Variants in PEPD observed in about 807,000 individuals in gnomAD.
PEPD encodes the protein peptidase D.
A neutral mutation model predicts 60.7 loss-of-function variants in PEPD; 53 were observed. The observed-to-expected ratio is 0.87, with a 90% CI of 0.70 to 1.10. PEPD has a LOEUF of 1.10. PEPD is among the 50% of genes least tolerant of loss of function. PEPD has a pLI of 0.00. For synonymous variants in PEPD, 267 were observed against 284.1 expected (o/e 0.94, Z 0.60); for missense variants, 711 against 711.9 (o/e 1.00, Z 0.01).
At chr19:33,443,778 G>A (rs939335416) in intron 9 of PEPD, among the ~76,000 whole-genome samples, 9 of 152,168 alleles carry the variant, frequency 5.9e-5, no homozygotes, top group South Asian at 2.1e-4. Context: ...TGTACCATAC[G>A]CACATGCGCA....
chr19:33,389,644 A>G (rs1404858461), intron 13 of PEPD, among the ~76,000 whole-genome samples: 1 of 152,142 alleles, frequency 6.6e-6, no homozygotes, highest in Non-Finnish European at 1.5e-5. Flanking sequence ...TCACCCCTCC[A>G]TCCCCATGGG....
chr19:33,482,562 A>G (rs946599150), intron 6 of PEPD, among the ~76,000 whole-genome samples: 4 of 152,206 alleles, frequency 2.6e-5, no homozygotes, highest in African/African-American at 9.6e-5. Context: ...TGCTGTCTCC[A>G]ATTCTATTCA....
rs1460998322 is a variant in PEPD, at chr19:33,408,551, C to T, written c.818+3121G>A. ...GGAAAAGGCTGGCCTCCTCTTAGTA[C>T]CCCCCACCCTTCTGCAGTACAGCTG... On this transcript the variant is annotated intron_variant, in intron 11 of 14. Coordinates refer to ENST00000244137, the MANE Select transcript of PEPD (RefSeq NM_000285.4). Among the ~76,000 whole-genome samples, 4 of 152,138 alleles carry T rather than the reference C, an allele frequency of 2.6e-5. No individual in the cohort carries two copies. In the East Asian group the frequency reaches 7.7e-4, roughly 29 times the overall value.
intron 9 of PEPD, among the ~76,000 whole-genome samples, chr19:33,430,409 T>C (rs931631494): frequency 6.6e-6 from 1 of 151,808 alleles, no homozygotes; most frequent in Non-Finnish European, 1.5e-5. Flanking sequence ...TCTGGGTAAG[T>C]GGATTATGAT....
At position 33,519,096 on chromosome 19, in the gene PEPD, C is replaced by A. The variant is rs33839; in HGVS notation, c.17+2648G>T. 1.7e-3 allele frequency among the ~76,000 whole-genome samples: 257 copies of A among 152,202 alleles called. 7 individuals are homozygous for A. In the East Asian group the frequency reaches 0.041, roughly 24 times the overall value. ...TTATCAATCCTGTCTGTGGAAAGCT[C>A]AAAGCATTGCTTAAGGAGACAGCAG... On this transcript the variant is annotated intron_variant, in intron 1 of 14. Transcript: ENST00000244137.
chr19:33,504,587 A>T (rs1970765493), intron 3 of PEPD, among the ~76,000 whole-genome samples: 1 of 152,156 alleles, frequency 6.6e-6, no homozygotes, highest in Non-Finnish European at 1.5e-5. Flanking sequence ...AACATGGTAA[A>T]ACCCTATCTC....
chr19:33,509,819 T>C (rs33823), intron 3 of PEPD, among the ~76,000 whole-genome samples: 55,535 of 152,144 alleles, frequency 0.37, 10,379 homozygotes, highest in South Asian at 0.55. Context: ...CTGGCACCAC[T>C]GAGCAGGCAG....
At chr19:33,456,075 C>G (rs1307604516) in intron 9 of PEPD, among the ~76,000 whole-genome samples, 1 of 152,150 alleles carries the variant, frequency 6.6e-6, no homozygotes, top group Non-Finnish European at 1.5e-5. Context: ...TCTCCACATG[C>G]CCATTCCTCA....
intron 3 of PEPD, among the ~76,000 whole-genome samples, chr19:33,504,846 A>G (rs544468013): frequency 6.6e-6 from 1 of 152,236 alleles, no homozygotes; most frequent in African/African-American, 2.4e-5. Flanking sequence ...CTCCCCTCAA[A>G]TGCCAAGGAT....
chr19:33,481,872 T>A (rs1349199527), intron 6 of PEPD, among the ~76,000 whole-genome samples: 1 of 151,618 alleles, frequency 6.6e-6, no homozygotes, highest in African/African-American at 2.4e-5. Context: ...ATAAAAAAAA[T>A]TAGCCCAGCG....
At chr19:33,488,371 C>T (rs1359520273) in intron 6 of PEPD, among the ~76,000 whole-genome samples, 1 of 152,130 alleles carries the variant, frequency 6.6e-6, no homozygotes, top group Admixed American at 6.5e-5. Flanking sequence ...GAGGGTCCCC[C>T]TGCTGCAGAG....
chr19:33,391,426 G>C lies in PEPD; in HGVS notation c.1021C>G (p.Leu341Val), dbSNP rs1266004247. 2 of 1,568,574 alleles carry C rather than the reference G, an allele frequency of 1.3e-6. No homozygotes were observed. The highest frequency in any genetic ancestry group is 1.7e-6 in the Non-Finnish European group (2 of 1,156,712). Residue 341 changes from leucine (L) to valine (V), a missense_variant, in exon 13 of 15, where the codon CTG (leucine) becomes GTG (valine). By Grantham distance (32) the Leu-to-Val change is conservative (BLOSUM62 1). Coordinates refer to ENST00000244137, the MANE Select transcript of PEPD (RefSeq NM_000285.4). ...CCGCTCAGGATGCCCATGTGGGCCA[G>C]CTCCTCCAGGTGGATGCGGTCAGCC... is the stretch of plus-strand genomic sequence containing the variant. ...RLADRIHLEE[L>V]AHMGILSGSV...
At chr19:33,457,131 T>C (rs1053090114) in intron 9 of PEPD, among the ~76,000 whole-genome samples, 1 of 149,776 alleles carries the variant, frequency 6.7e-6, no homozygotes, top group Admixed American at 6.7e-5. Context: ...GGGACTCGGA[T>C]GAAAAGCAGA....
intron 13 of PEPD, chr19:33,389,197 G>A (rs886374436): frequency 1.3e-5 from 2 of 152,350 alleles, no homozygotes; most frequent in African/African-American, 4.8e-5. Flanking sequence ...CGGAGGGCAG[G>A]GACAGCCACG....
chr19:33,521,599 G>T, intron 1 of PEPD, 145 bp downstream of exon 1: 1 of 889,388 alleles, frequency 1.1e-6, no homozygotes, highest in Non-Finnish European at 1.8e-6. Flanking sequence ...CTCGCCGACC[G>T]GCGCTGGGAC....
intron 9 of PEPD, among the ~76,000 whole-genome samples, chr19:33,414,597 C>A (rs1968849077): frequency 7.1e-6 from 1 of 140,442 alleles, no homozygotes; most frequent in Non-Finnish European, 1.6e-5. Flanking sequence ...CACCCGCCCA[C>A]CCCCGACCAG....
At chr19:33,390,111 A>G (rs1968179043) in intron 13 of PEPD, among the ~76,000 whole-genome samples, 1 of 152,260 alleles carries the variant, frequency 6.6e-6, no homozygotes, top group Non-Finnish European at 1.5e-5. Context: ...GGCCTGAAAT[A>G]AAACAAATGA....
intron 9 of PEPD, among the ~76,000 whole-genome samples, chr19:33,418,817 G>A (rs1968946948): frequency 6.6e-6 from 1 of 152,222 alleles, no homozygotes; most frequent in African/African-American, 2.4e-5. Context: ...GAGGCTCCGA[G>A]TGCCTGAAAT....
chr19:33,391,635 G>A (rs1375428733), intron 12 of PEPD, among the ~76,000 whole-genome samples, 156 bp from the exon 13 acceptor site: 2 of 152,142 alleles, frequency 1.3e-5, no homozygotes, highest in Admixed American at 1.3e-4. Context: ...GGCCCAGGGG[G>A]ACAAGGACTA....
Sources: allele counts gnomAD v4.1 joint callset (sites outside exome capture counted in the v4.1 genomes callset), GRCh38; gene constraint gnomAD v4.1.1; transcripts MANE v1.5; gene names NCBI Gene and HGNC (gene_info 2026-07-23, HGNC 2026-07-21).